The following COL5A2 variants were observed in gnomAD, a reference collection of about 807,000 sequenced individuals.
COL5A2 encodes collagen alpha-2(V) chain.
COL5A2 carries 23 observed loss-of-function variants against 208.2 expected under a neutral mutation model. That is an observed-to-expected ratio of 0.11 (90% confidence interval 0.08 to 0.16). The LOEUF is 0.16. COL5A2 is among the 10% of genes least tolerant of loss of function. COL5A2 has a pLI of 1.00. For missense variants in COL5A2, 1,590 were observed against 1,956.4 expected (o/e 0.81, Z 3.53); for synonymous variants, 625 against 628.5 (o/e 0.99, Z 0.08).
chr2:189,120,181 C>A (rs550942724), intron 1 of COL5A2, among the ~76,000 whole-genome samples: 2 of 152,208 alleles, frequency 1.3e-5, no homozygotes, highest in Non-Finnish European at 2.9e-5. Context: ...TGGAGTTCAA[C>A]TTCCTTGCCA....
At chr2:189,042,678 A>G in intron 49 of COL5A2, 42 bp downstream of exon 49, 2 of 1,569,680 alleles carry the variant, frequency 1.3e-6, no homozygotes, top group South Asian at 1.1e-5. Flanking sequence ...CAACAAAGGC[A>G]TTATTATTTA....
chr2:189,269,465 C>T, the COL5A2 span, among the ~76,000 whole-genome samples: 2 of 152,018 alleles, frequency 1.3e-5, no homozygotes, highest in African/African-American at 2.4e-5. Context: ...TGAATTTTAT[C>T]GAAGGCCTTT....
chr2:189,054,440 T>C (rs114497915), intron 35 of COL5A2, among the ~76,000 whole-genome samples: 1 of 152,194 alleles, frequency 6.6e-6, no homozygotes, highest in African/African-American at 2.4e-5. Context: ...ATCTCTTTCA[T>C]GCAACCTAAT....
Position 189,052,849 on chromosome 2 carries a change from T to C in COL5A2, c.2662-47A>G, listed in dbSNP as rs746042521. ...AGCACTATAGTGAAGCAAAAGAGGC[T>C]GAATGTACACTCCAAACATGGGGCA... is the stretch of plus-strand genomic sequence containing the variant. On this transcript the variant is annotated intron_variant, in intron 39 of 53. Coordinates refer to ENST00000374866, the MANE Select transcript of COL5A2 (RefSeq NM_000393.5). 2.3e-5 allele frequency: 37 copies of C among 1,611,856 alleles called. No homozygotes were observed. In the South Asian group the frequency reaches 3.7e-4, roughly 16 times the overall value.
At chr2:189,324,373 C>T in the COL5A2 span, among the ~76,000 whole-genome samples, 1 of 152,182 alleles carries the variant, frequency 6.6e-6, no homozygotes, top group Non-Finnish European at 1.5e-5. Context: ...TCAGAGTGAA[C>T]AGGCAACCTA....
chr2:189,199,193 T>C (rs1362721079), intron 1 of COL5A2, among the ~76,000 whole-genome samples: 1 of 152,168 alleles, frequency 6.6e-6, no homozygotes, highest in Non-Finnish European at 1.5e-5. Context: ...GGTCAGTATA[T>C]GATCAAAAAG....
intron 1 of COL5A2, among the ~76,000 whole-genome samples, chr2:189,142,456 A>G (rs1687951703): frequency 6.6e-6 from 1 of 152,168 alleles, no homozygotes; most frequent in African/African-American, 2.4e-5. Flanking sequence ...TGTACTATAC[A>G]TAGACTTAAT....
At chr2:189,100,220 T>C (rs1219637878) in intron 3 of COL5A2, 81 bp from the exon 4 acceptor site, 1 of 1,079,846 alleles carries the variant, frequency 9.3e-7, no homozygotes, top group South Asian at 1.3e-5. Flanking sequence ...CCCTAGAATA[T>C]GCCATGTAAA....
At position 189,087,439 on chromosome 2, in the gene COL5A2, T is replaced by C. The variant is rs545721431; in HGVS notation, c.646-669A>G. 3.9e-5 allele frequency among the ~76,000 whole-genome samples: 6 copies of C among 152,052 alleles called. No individual in the cohort carries two copies. The South Asian group carries it at 1.2e-3, about 31-fold the overall frequency. ...TTTTTAAATATCATACTTTAAAAAG[T>C]AAAATAAATTAAAATCAAATTTATT... is the stretch of plus-strand genomic sequence containing the variant. On this transcript the variant is annotated intron_variant, in intron 8 of 53. Coordinates refer to ENST00000374866, the MANE Select transcript of COL5A2 (RefSeq NM_000393.5).
the COL5A2 span, among the ~76,000 whole-genome samples, chr2:189,406,830 A>G: frequency 6.6e-6 from 1 of 152,142 alleles, no homozygotes; most frequent in East Asian, 1.9e-4. Context: ...CACTGTTGAG[A>G]CAAAGTACAC....
chr2:189,274,880 C>T, the COL5A2 span, among the ~76,000 whole-genome samples: 1 of 152,024 alleles, frequency 6.6e-6, no homozygotes, highest in African/African-American at 2.4e-5. Context: ...AAATATAATG[C>T]ATTGATACTC....
chr2:189,044,156 C>T (rs1685616043), intron 47 of COL5A2, among the ~76,000 whole-genome samples: 1 of 152,070 alleles, frequency 6.6e-6, no homozygotes, highest in South Asian at 2.1e-4. Flanking sequence ...AACTGAATCC[C>T]TATTTATCTG....
At chr2:189,052,574 T>G (rs986701975) in intron 40 of COL5A2, among the ~76,000 whole-genome samples, 175 bp downstream of exon 40, 8 of 152,240 alleles carry the variant, frequency 5.3e-5, no homozygotes, top group Non-Finnish European at 7.3e-5. Flanking sequence ...GATTACAAAC[T>G]TGATTTTAAC....
chr2:189,135,536 A>G (rs368324694), intron 1 of COL5A2, among the ~76,000 whole-genome samples: 24 of 152,312 alleles, frequency 1.6e-4, no homozygotes, highest in Middle Eastern at 3.4e-3. Flanking sequence ...AGAACAAAAG[A>G]TAATACTCCA....
At chr2:189,098,827 C>T in intron 4 of COL5A2, 68 bp from the exon 5 acceptor site, 1 of 1,149,594 alleles carries the variant, frequency 8.7e-7, no homozygotes, top group Non-Finnish European at 1.3e-6. Context: ...TCAATAGTAA[C>T]AAATAAGAAT....
Position 189,083,615 on chromosome 2 carries a change from G to A in COL5A2, c.852+369C>T, listed in dbSNP as rs529443862. Among the ~76,000 whole-genome samples, 4 of 151,872 alleles carry A rather than the reference G, an allele frequency of 2.6e-5. No homozygotes were observed. The South Asian group carries it at 8.3e-4, about 32-fold the overall frequency. On this transcript the variant is annotated intron_variant, in intron 12 of 53. Coordinates refer to ENST00000374866, the MANE Select transcript of COL5A2 (RefSeq NM_000393.5). ...GTAAAAATATTAAAAAGATTTTAAA[G>A]AGCTAAAATAGGATTGAAGTGTGAA...
At chr2:189,196,938 C>T (rs561111584) in intron 1 of COL5A2, among the ~76,000 whole-genome samples, 6 of 152,080 alleles carry the variant, frequency 3.9e-5, no homozygotes, top group Admixed American at 2.0e-4. Context: ...CCAGCAATCC[C>T]GTTACTGGGT....
In COL5A2 at chr2:189,191,383, G is replaced by C. The variant is rs1028372457; in HGVS notation, c.-42+33765C>G. Among the ~76,000 whole-genome samples, 17 of 152,280 alleles carry C rather than the reference G, an allele frequency of 1.1e-4. No homozygotes were observed. In the South Asian group the frequency reaches 3.5e-3, roughly 32 times the overall value. ...AGGCCGGGTACAGTGGCTCAAGTCT[G>C]TAATCCCAGCACTTTGGGAGGCTGA... is the stretch of plus-strand genomic sequence containing the variant. On this transcript the variant is annotated intron_variant, in intron 1 of 10. Transcript: ENST00000649966.
chr2:189,185,368 G>A (rs942297766), intron 1 of COL5A2, among the ~76,000 whole-genome samples: 8 of 152,142 alleles, frequency 5.3e-5, no homozygotes, highest in East Asian at 1.9e-4. Flanking sequence ...TGTAAGAAAC[G>A]TATTATGCGA....
Sources: gnomAD v4.1 joint callset for allele counts (sites outside exome capture counted in the v4.1 genomes callset) on GRCh38, gnomAD v4.1.1 for gene constraint, MANE v1.5 for transcripts, NCBI Gene and HGNC (gene_info 2026-07-23, HGNC 2026-07-21) for gene names.